Variants in SVOP observed in about 807,000 individuals in gnomAD.
SVOP encodes the protein SV2 related protein.
Under a neutral mutation model 69.1 loss-of-function variants are expected in SVOP, and 17 were observed. The ratio of observed to expected loss-of-function variants is 0.25; its 90% CI spans 0.17 to 0.37. The LOEUF is 0.37. SVOP is among the 10% of genes least tolerant of loss of function. SVOP has a pLI of 1.00. For synonymous variants in SVOP, 238 were observed against 238.6 expected, an observed-to-expected ratio of 1.00 and a Z score of 0.02; for missense variants, 435 against 597.5, an observed-to-expected ratio of 0.73 and a Z score of 2.84.
intron 1 of SVOP, among the ~76,000 whole-genome samples, chr12:108,991,781 A>AAAC (rs1190449199): frequency 2.7e-4 from 10 of 36,654 alleles, no homozygotes; most frequent in Non-Finnish European, 1.6e-3. Context: ...CTACAAAAAA[A>AAAC]AACAAAAAAA....
intron 6 of SVOP, among the ~76,000 whole-genome samples, chr12:108,959,683 A>G (rs1334983987): frequency 6.6e-6 from 1 of 152,082 alleles, no homozygotes; most frequent in Non-Finnish European, 1.5e-5. Context: ...CATCCCTCCA[A>G]GCTGACCAAC....
At position 109,011,433 on chromosome 12, in the gene SVOP, G is replaced by A. The variant is rs77754527; in HGVS notation, c.35+9401C>T. 1.0e-3 allele frequency among the ~76,000 whole-genome samples: 157 copies of A among 152,302 alleles called. 1 individual carries two copies. The highest frequency in any genetic ancestry group is 3.6e-3 in the African/African-American group (150 of 41,562). ...TTTGCCTGAAGTGAGTGACAATGAT[G>A]CCCTATCTCTCTTCCTTGTCTAGGG... On this transcript the variant is annotated intron_variant, in intron 1 of 15. Coordinates refer to ENST00000610966, the MANE Select transcript of SVOP (RefSeq NM_018711.5).
chr12:108,964,001 AT>A (rs1566058412), intron 5 of SVOP, among the ~76,000 whole-genome samples: 2 of 152,100 alleles, frequency 1.3e-5, no homozygotes, highest in African/African-American at 2.4e-5. Flanking sequence ...ATATATTACA[AT>A]TTTTTTATTA....
intron 6 of SVOP, among the ~76,000 whole-genome samples, chr12:108,956,694 C>A (rs933820358): frequency 1.3e-5 from 2 of 152,218 alleles, no homozygotes; most frequent in Non-Finnish European, 2.9e-5. Context: ...TGAGGGCTCA[C>A]ACAATGTCTG....
chr12:108,956,777 A>G (rs2039987966), intron 6 of SVOP, among the ~76,000 whole-genome samples: 1 of 152,106 alleles, frequency 6.6e-6, no homozygotes, highest in Admixed American at 6.6e-5. Flanking sequence ...GGAGATGTAG[A>G]AGCGGATGTA....
At chr12:108,966,134 T>C (rs1412084077) in intron 5 of SVOP, among the ~76,000 whole-genome samples, 4 of 152,114 alleles carry the variant, frequency 2.6e-5, no homozygotes, top group Non-Finnish European at 1.5e-5. Context: ...CCAAGTAGCC[T>C]GGACCACAGT....
At chr12:108,937,387 G>T in intron 9 of SVOP, 50 bp from the exon 10 acceptor site, 1 of 1,567,784 alleles carries the variant, frequency 6.4e-7, no homozygotes, top group Non-Finnish European at 8.8e-7. Context: ...ACAGATGCAC[G>T]GGAGATGGGC....
chr12:109,017,572 C>G (rs908215353), intron 1 of SVOP, among the ~76,000 whole-genome samples: 5 of 151,930 alleles, frequency 3.3e-5, no homozygotes, highest in Non-Finnish European at 7.4e-5. Context: ...TTTTTTGAGA[C>G]AGAGTCTCAC....
At chr12:108,982,530 CCAT>C (rs1330847351) in intron 2 of SVOP, among the ~76,000 whole-genome samples, 58 of 149,458 alleles carry the variant, frequency 3.9e-4, no homozygotes, top group African/African-American at 1.2e-3. Context: ...ACCACCACCA[CCAT>C]CATTTTCATC....
At chr12:108,991,375 G>A (rs1337600137) in intron 1 of SVOP, among the ~76,000 whole-genome samples, 1 of 152,122 alleles carries the variant, frequency 6.6e-6, no homozygotes, top group Non-Finnish European at 1.5e-5. Flanking sequence ...CAAGGCAGGA[G>A]GATTGCTTGA....
At chr12:108,965,483 C>T (rs2040039942) in intron 5 of SVOP, among the ~76,000 whole-genome samples, 1 of 152,190 alleles carries the variant, frequency 6.6e-6, no homozygotes, top group Non-Finnish European at 1.5e-5. Flanking sequence ...CTCTGTTCAA[C>T]TCTAGCCAAA....
chr12:108,974,666 G>C (rs2040097020), intron 4 of SVOP, among the ~76,000 whole-genome samples: 2 of 151,832 alleles, frequency 1.3e-5, no homozygotes, highest in South Asian at 4.2e-4. Flanking sequence ...AGAAGGCGAA[G>C]GTTGCAGTGA....
chr12:108,931,755 AC>A (rs1301220133), intron 11 of SVOP, among the ~76,000 whole-genome samples: 1 of 149,910 alleles, frequency 6.7e-6, no homozygotes, highest in Non-Finnish European at 1.5e-5. Flanking sequence ...AATAACTTGA[AC>A]CCGGGAGGTG....
intron 8 of SVOP, among the ~76,000 whole-genome samples, chr12:108,940,234 G>A (rs2039882811): frequency 6.6e-6 from 1 of 152,132 alleles, no homozygotes; most frequent in South Asian, 2.1e-4. Flanking sequence ...TACCGTACAT[G>A]AGAACTACCC....
chr12:108,970,197 C>A (rs2040070265), intron 5 of SVOP, among the ~76,000 whole-genome samples: 2 of 152,176 alleles, frequency 1.3e-5, no homozygotes, highest in South Asian at 4.1e-4. Context: ...ATTCATTGAG[C>A]CATCACCTGC....
intron 6 of SVOP, among the ~76,000 whole-genome samples, chr12:108,948,970 G>A (rs947497199): frequency 3.3e-5 from 5 of 152,048 alleles, no homozygotes; most frequent in African/African-American, 1.2e-4. Flanking sequence ...TTACCAAATC[G>A]AAGTCAAACT....
chr12:108,979,402 G>T (rs1376808892), intron 2 of SVOP, among the ~76,000 whole-genome samples: 1 of 151,950 alleles, frequency 6.6e-6, no homozygotes, highest in African/African-American at 2.4e-5. Context: ...ACCATGCCCA[G>T]CTATTTTTTT....
intron 4 of SVOP, among the ~76,000 whole-genome samples, chr12:108,976,053 T>C (rs2040104807): frequency 6.6e-6 from 1 of 151,970 alleles, no homozygotes; most frequent in Admixed American, 6.6e-5. Flanking sequence ...AAAAAGCAAG[T>C]ATCATGGACT....
chr12:108,979,105 G>T (rs145951082), intron 2 of SVOP, among the ~76,000 whole-genome samples: 2 of 151,898 alleles, frequency 1.3e-5, no homozygotes, highest in Non-Finnish European at 2.9e-5. Context: ...GTATCTATCC[G>T]TAGAATATAT....
Sources: allele counts gnomAD v4.1 joint callset (sites outside exome capture counted in the v4.1 genomes callset), GRCh38; gene constraint gnomAD v4.1.1; transcripts MANE v1.5; gene names NCBI Gene and HGNC (gene_info 2026-07-23, HGNC 2026-07-21).